The following PLCB4 variants were observed in gnomAD, a reference collection of about 807,000 sequenced individuals.
PLCB4 encodes the protein phospholipase C beta 4, also known as 1-phosphatidylinositol 4,5-bisphosphate phosphodiesterase beta-4.
In PLCB4, 77 loss-of-function variants were observed where a neutral mutation model predicts 178.8. The ratio of observed to expected loss-of-function variants is 0.43; its 90% confidence interval spans 0.36 to 0.52. PLCB4 has a LOEUF of 0.52. PLCB4 is among the 20% of genes least tolerant of loss of function. The pLI is 0.00. For missense variants in PLCB4, 1,024 were observed against 1,453.4 expected (o/e 0.70, Z 4.80); for synonymous variants, 496 against 490.8 (o/e 1.01, Z -0.14).
At chr20:9,258,876 A>G (rs1380583836) in intron 3 of PLCB4, among the ~76,000 whole-genome samples, 1 of 152,164 alleles carries the variant, frequency 6.6e-6, no homozygotes, top group Admixed American at 6.6e-5. Flanking sequence ...GACAAGTAAG[A>G]TCTACATTAT....
At chr20:9,109,410 T>G (rs890370972) in intron 2 of PLCB4, among the ~76,000 whole-genome samples, 2 of 152,112 alleles carry the variant, frequency 1.3e-5, no homozygotes, top group Admixed American at 6.5e-5. Context: ...CAATTTTCAC[T>G]GGTAGGCAAT....
chr20:9,472,763 A>T (rs1250660230), intron 36 of PLCB4, 27 bp from the exon 37 acceptor site: 1 of 1,458,002 alleles, frequency 6.9e-7, no homozygotes, highest in South Asian at 1.2e-5. Context: ...TGTCATACCA[A>T]CCGTTATTTG....
At chr20:9,364,770 A>C (rs1031791368) in intron 8 of PLCB4, among the ~76,000 whole-genome samples, 1 of 152,252 alleles carries the variant, frequency 6.6e-6, no homozygotes, top group African/African-American at 2.4e-5. Flanking sequence ...GGAAACAGGA[A>C]GAATGGGAGT....
At chr20:9,348,943 T>G (rs537171329) in intron 7 of PLCB4, among the ~76,000 whole-genome samples, 8 of 152,104 alleles carry the variant, frequency 5.3e-5, no homozygotes, top group African/African-American at 1.9e-4. Flanking sequence ...AACATTTGCA[T>G]GGACAGTGTG....
chr20:9,298,730 C>T (rs2094668803), intron 3 of PLCB4, among the ~76,000 whole-genome samples: 1 of 152,022 alleles, frequency 6.6e-6, no homozygotes, highest in South Asian at 2.1e-4. Context: ...TATTTTTATT[C>T]ATCTATTTGT....
chr20:9,410,911 C>A, intron 24 of PLCB4, 126 bp from the exon 25 acceptor site: 1 of 663,656 alleles, frequency 1.5e-6, no homozygotes, highest in South Asian at 1.8e-5. Context: ...CCAAGCAGAA[C>A]CTTGTAGTAT....
At chr20:9,363,831 C>G (rs1382529197) in intron 8 of PLCB4, among the ~76,000 whole-genome samples, 1 of 152,180 alleles carries the variant, frequency 6.6e-6, no homozygotes, top group Non-Finnish European at 1.5e-5. Context: ...TGCCCCAGCA[C>G]CAAGAGTGTG....
intron 1 of PLCB4, among the ~76,000 whole-genome samples, chr20:9,085,829 A>G (rs1183968901): frequency 2.0e-5 from 3 of 152,184 alleles, no homozygotes; most frequent in Non-Finnish European, 4.4e-5. Context: ...AGATACTTGA[A>G]CATATTATAC....
Position 9,408,028 on chromosome 20 carries a change from G to A in PLCB4, c.1759G>A (p.Val587Ile), listed in dbSNP as rs370637020. The part of the protein sequence containing the change: ...LSTMINYAQP[V>I]KFQGFHVAEE... ...CACAATGATCAACTACGCCCAGCCTGTAAAGTTTCAAGGTTTCCATGTGGC... is the reference window on the plus strand; with the variant it reads ...CACAATGATCAACTACGCCCAGCCTATAAAGTTTCAAGGTTTCCATGTGGC... Residue 587 changes from valine to isoleucine, a missense_variant, in exon 22 of 40, where the codon GTA becomes ATA. Around this residue, in one of 7 missense-constraint regions of PLCB4, gnomAD observed 263 missense variants for 417.4 expected, o/e 0.63. Coordinates refer to ENST00000378473, the MANE Select transcript of PLCB4 (RefSeq NM_001377142.1). 3.7e-6 allele frequency: 6 copies of A among 1,613,544 alleles called. No individual in the cohort carries two copies. Among genetic ancestry groups the A allele is most frequent in the Non-Finnish European group, 5.1e-6 (6 of 1,179,664 alleles).
chr20:9,153,057 C>G (rs2092718377), intron 2 of PLCB4, among the ~76,000 whole-genome samples: 1 of 152,182 alleles, frequency 6.6e-6, no homozygotes, highest in Non-Finnish European at 1.5e-5. Context: ...CTATTTGGAA[C>G]AGCTGTATTT....
At chr20:9,143,881 T>G (rs1392638262) in intron 2 of PLCB4, among the ~76,000 whole-genome samples, 1 of 152,098 alleles carries the variant, frequency 6.6e-6, no homozygotes, top group South Asian at 2.1e-4. Flanking sequence ...CTTGCTGGGC[T>G]TCCTTCTGCA....
intron 3 of PLCB4, among the ~76,000 whole-genome samples, chr20:9,256,294 A>G (rs1487244592): frequency 6.6e-6 from 1 of 152,150 alleles, no homozygotes; most frequent in East Asian, 1.9e-4. Flanking sequence ...TTTATTCTCC[A>G]GCATCCTTAG....
intron 2 of PLCB4, among the ~76,000 whole-genome samples, chr20:9,097,232 CTTTTTTT>C (rs544568591): frequency 2.5e-5 from 2 of 81,076 alleles, no homozygotes; most frequent in South Asian, 4.9e-4. Flanking sequence ...ACAGCCTGGC[CTTTTTTT>C]TTTTTTTTTT....
At chr20:9,183,186 G>A (rs2147099510) in intron 2 of PLCB4, among the ~76,000 whole-genome samples, 1 of 152,240 alleles carries the variant, frequency 6.6e-6, no homozygotes, top group East Asian at 1.9e-4. Context: ...AGGGAAGCCT[G>A]GGGCTCACCT....
rs568957002 is a variant in PLCB4, at chr20:9,137,448, G to T, written c.-79+41106G>T. Among the ~76,000 whole-genome samples the T allele has an allele frequency of 5.3e-5, 8 of 152,222 alleles. No individual in the cohort carries two copies. The East Asian group carries it at 1.5e-3, about 29-fold the overall frequency. ...ACTAAAGAAGATGTTTTTTGGAGGG[G>T]TGCCTTAGGTTGTAATTGGTAATCT... On this transcript the variant is annotated intron_variant, in intron 2 of 39. Transcript: ENST00000378473.
intron 3 of PLCB4, among the ~76,000 whole-genome samples, chr20:9,279,682 A>G (rs527729914): frequency 6.6e-6 from 1 of 152,172 alleles, no homozygotes; most frequent in African/African-American, 2.4e-5. Context: ...TCCAAGTAAG[A>G]TATTTTAAAA....
At chr20:9,357,850 G>A (rs886249281) in intron 7 of PLCB4, among the ~76,000 whole-genome samples, 1 of 152,160 alleles carries the variant, frequency 6.6e-6, no homozygotes, top group Non-Finnish European at 1.5e-5. Context: ...GTCAAACAAA[G>A]ACAAAAACCA....
chr20:9,478,220 G>A (rs575181180), intron 39 of PLCB4, among the ~76,000 whole-genome samples: 16 of 151,928 alleles, frequency 1.1e-4, no homozygotes, highest in African/African-American at 3.6e-4. Flanking sequence ...GAATTAGCTG[G>A]TTTTCTTAGT....
intron 16 of PLCB4, 99 bp from the exon 17 acceptor site, chr20:9,390,432 T>G: frequency 1.7e-6 from 1 of 594,652 alleles, no homozygotes; most frequent in South Asian, 2.4e-5. Context: ...TAATGCATTT[T>G]GCCAAGTGAG....
Sources: gnomAD v4.1 joint callset for allele counts (sites outside exome capture counted in the v4.1 genomes callset) on GRCh38, gnomAD v4.1.1 for gene constraint, gnomAD v4.1.1 regional missense constraint, MANE v1.5 for transcripts, NCBI Gene and HGNC (gene_info 2026-07-23, HGNC 2026-07-21) for gene names.